Variants in ATP13A5 observed in about 807,000 individuals in gnomAD.
ATP13A5 encodes probable cation-transporting ATPase 13A5.
In ATP13A5, 149 loss-of-function variants were observed where a neutral mutation model predicts 150.2. The ratio of observed to expected loss-of-function variants is 0.99; its 90% CI spans 0.87 to 1.14. ATP13A5 has a LOEUF of 1.14. ATP13A5 is among the 50% of genes most tolerant of loss of function. The pLI is 0.00. For synonymous variants in ATP13A5, 497 were observed against 522.2 expected (o/e 0.95, Z 0.66); for missense variants, 1,383 against 1,449.3 (o/e 0.95, Z 0.74).
intron 1 of ATP13A5, among the ~76,000 whole-genome samples, chr3:193,367,013 T>A (rs763682226): frequency 1.3e-5 from 2 of 151,690 alleles, no homozygotes; most frequent in Non-Finnish European, 2.9e-5. Flanking sequence ...AAAATGAAAA[T>A]TGAGAAATAA....
chr3:193,369,519 T>A (rs1156444826), intron 1 of ATP13A5, among the ~76,000 whole-genome samples: 1 of 152,180 alleles, frequency 6.6e-6, no homozygotes, highest in Non-Finnish European at 1.5e-5. Flanking sequence ...TAAATGATTA[T>A]TCTTCTGATG....
At chr3:193,347,913 C>T (rs892296651) in intron 7 of ATP13A5, among the ~76,000 whole-genome samples, 2 of 152,310 alleles carry the variant, frequency 1.3e-5, no homozygotes, top group East Asian at 1.9e-4. Flanking sequence ...TATCTGCTGT[C>T]TTGTCAGGCC....
chr3:193,353,051 A>G (rs1560146775), intron 6 of ATP13A5, among the ~76,000 whole-genome samples: 1 of 152,158 alleles, frequency 6.6e-6, no homozygotes, highest in Non-Finnish European at 1.5e-5. Context: ...CTGTTCCAGA[A>G]TAGAGGTTGA....
Position 193,321,767 on chromosome 3 carries a change from A to G in ATP13A5, c.1829T>C (p.Ile610Thr), listed in dbSNP as rs756648262. ...FSSSLQRMSV[I>T]AQLAGENHFH... ...ATGATTCTCCCCAGCTAGCTGAGCG[A>G]TCACGGACATCCTCTGCAGGCTCGA... Residue 610 changes from isoleucine (I) to threonine (T), a missense_variant, in exon 16 of 30, where the codon ATC becomes ACC. Ile to Thr is a moderately conservative substitution (Grantham distance 89). Coordinates refer to ENST00000342358, the MANE Select transcript of ATP13A5 (RefSeq NM_198505.4). The G allele has an allele frequency of 5.0e-6, 8 of 1,614,110 alleles. No individual in the cohort carries two copies. In the African/African-American group the frequency reaches 9.3e-5, roughly 19 times the overall value.
rs770194359 is a variant in ATP13A5, at chr3:193,324,917, C to T, written c.1621G>A (p.Gly541Arg). 2.5e-6 allele frequency: 4 copies of T among 1,614,026 alleles called. No homozygotes were observed. Among genetic ancestry groups the T allele is most frequent in the East Asian group, 4.5e-5 (2 of 44,894 alleles). Residue 541 changes from glycine to arginine, a missense_variant, in exon 14 of 30, where the codon GGG (glycine) becomes AGG (arginine). Gly to Arg is a moderately radical substitution (Grantham distance 125, BLOSUM62 -2). Around this residue, in one of 3 missense-constraint regions of ATP13A5, gnomAD observed 787 missense variants for 771.9 expected, o/e 1.02. Coordinates refer to ENST00000342358, the MANE Select transcript of ATP13A5 (RefSeq NM_198505.4). Reference protein sequence around the residue: ...ASCHSLILLNGTIQGDPLDLK... With the variant: ...ASCHSLILLNRTIQGDPLDLK... ...TCCAGAGGGTCTCCCTGGATGGTCC[C>T]ATTGAGAAGGATCAGAGAGTGGCAG...
At chr3:193,369,085 T>G (rs781534107) in intron 1 of ATP13A5, among the ~76,000 whole-genome samples, 1 of 151,580 alleles carries the variant, frequency 6.6e-6, no homozygotes, top group Non-Finnish European at 1.5e-5. Context: ...CTCTACAATT[T>G]TTTTTTTAAT....
At position 193,315,139 on chromosome 3, in the gene ATP13A5, AG is replaced by A. The variant is rs751267915; in HGVS notation, c.2034-44del. 17 of 1,569,028 alleles carry A rather than the reference AG, an allele frequency of 1.1e-5. No individual in the cohort carries two copies. The African/African-American group carries it at 2.2e-4, about 20-fold the overall frequency. On this transcript the variant is annotated intron_variant, in intron 17 of 29. Coordinates refer to ENST00000342358, the MANE Select transcript of ATP13A5 (RefSeq NM_198505.4). ...AATCAATATTAAAGTATATCTACGT[AG>A]GCTCCATAGTTCAATTTATTTCTTC...
At chr3:193,378,600 T>C in intron 1 of ATP13A5, 63 bp downstream of exon 1, 1 of 1,356,862 alleles carries the variant, frequency 7.4e-7, no homozygotes, top group Admixed American at 1.7e-5. Context: ...CTAATTCAGC[T>C]GTAGCCCATA....
At chr3:193,320,113 A>G (rs1248739237) in intron 16 of ATP13A5, among the ~76,000 whole-genome samples, 2 of 152,220 alleles carry the variant, frequency 1.3e-5, no homozygotes, top group African/African-American at 2.4e-5. Context: ...GGAACCACAG[A>G]ACAATGGGAG....
intron 1 of ATP13A5, among the ~76,000 whole-genome samples, chr3:193,373,683 C>T (rs184305458): frequency 1.5e-4 from 23 of 152,202 alleles, no homozygotes; most frequent in Admixed American, 1.3e-4. Context: ...TCGCATGTGG[C>T]CCTCACAAAA....
chr3:193,340,726 G>C (rs942724153), intron 9 of ATP13A5, among the ~76,000 whole-genome samples: 8 of 152,156 alleles, frequency 5.3e-5, no homozygotes, highest in Non-Finnish European at 2.9e-5. Context: ...CTGTATTTAA[G>C]GCATTAAATT....
chr3:193,338,899 C>A (rs548098875), intron 9 of ATP13A5, among the ~76,000 whole-genome samples: 1 of 152,084 alleles, frequency 6.6e-6, no homozygotes, highest in Non-Finnish European at 1.5e-5. Flanking sequence ...TTAATTATTG[C>A]CTTAATTTCA....
At chr3:193,374,301 C>CACACACAG (rs1441073312) in intron 1 of ATP13A5, among the ~76,000 whole-genome samples, 3,472 of 144,254 alleles carry the variant, frequency 0.024, 125 homozygotes, top group African/African-American at 0.077. Flanking sequence ...CACACACACA[C>CACACACAG]AGAGAGAGAG....
intron 1 of ATP13A5, among the ~76,000 whole-genome samples, chr3:193,368,153 A>G (rs76569049): frequency 0.12 from 17,987 of 152,216 alleles, 1,479 homozygotes; most frequent in Non-Finnish European, 0.16. Flanking sequence ...CAATATAGGA[A>G]AACCAATTGT....
At chr3:193,297,220 G>A (rs1718209369) in intron 25 of ATP13A5, among the ~76,000 whole-genome samples, 1 of 152,014 alleles carries the variant, frequency 6.6e-6, no homozygotes, top group South Asian at 2.1e-4. Flanking sequence ...GTGACTCAAG[G>A]GAAGTGAAGA....
chr3:193,378,532 C>T, intron 1 of ATP13A5, 131 bp downstream of exon 1: 1 of 811,336 alleles, frequency 1.2e-6, no homozygotes, highest in South Asian at 1.7e-5. Flanking sequence ...AGGAACCTTA[C>T]CAGACTGAAA....
chr3:193,328,824 A>G (rs11720690), intron 12 of ATP13A5, among the ~76,000 whole-genome samples: 78,220 of 152,154 alleles, frequency 0.51, 22,464 homozygotes, highest in Non-Finnish European at 0.65. Context: ...AACTGGAAAT[A>G]ACACTAGATG....
At chr3:193,284,825 C>T in intron 27 of ATP13A5, 89 bp downstream of exon 27, 2 of 1,077,960 alleles carry the variant, frequency 1.9e-6, no homozygotes, top group South Asian at 1.7e-5. Flanking sequence ...TCTTCCTCAG[C>T]CCATCATTTC....
At chr3:193,301,061 T>G in intron 24 of ATP13A5, 150 bp downstream of exon 24, 1 of 694,804 alleles carries the variant, frequency 1.4e-6, no homozygotes, top group Non-Finnish European at 2.5e-6. Context: ...TCATGCACAG[T>G]TACACCAGGT....
Sources: allele counts gnomAD v4.1 joint callset (sites outside exome capture counted in the v4.1 genomes callset), GRCh38; gene constraint gnomAD v4.1.1; regional missense constraint gnomAD v4.1.1; transcripts MANE v1.5; gene names NCBI Gene and HGNC (gene_info 2026-07-23, HGNC 2026-07-21).